The following BRI3BP variants were observed in gnomAD, a reference collection of about 807,000 sequenced individuals.
BRI3BP encodes the protein BRI3 binding protein, also known as BRI3-binding protein.
In BRI3BP, 7 loss-of-function variants were observed where a neutral mutation model predicts 15.8. That is an observed-to-expected ratio of 0.44 (90% CI 0.25 to 0.83). BRI3BP has a LOEUF of 0.83. Among genes scored for constraint, BRI3BP ranks in the 40% least tolerant of loss-of-function variants. The pLI, the probability that BRI3BP is intolerant of heterozygous loss-of-function variation, is 0.20. For missense variants in BRI3BP, 320 were observed against 339.3 expected (o/e 0.94, Z 0.45); for synonymous variants, 192 against 163.5 (o/e 1.17, Z -1.33).
intron 2 of BRI3BP, among the ~76,000 whole-genome samples, chr12:125,022,552 C>A (rs1354789749): frequency 7.4e-5 from 4 of 53,968 alleles, no homozygotes; most frequent in African/African-American, 6.1e-4. Context: ...TTTTTTGAGA[C>A]AGAGCCTCAC....
chr12:125,029,753 G>A lies in BRI3BP; in HGVS notation c.*4323G>A, dbSNP rs777238393. 12 of 152,052 alleles carry A rather than the reference G, an allele frequency of 7.9e-5. No individual in the cohort carries two copies. The highest frequency in any genetic ancestry group is 2.4e-4 in the African/African-American group (10 of 41,370). 9.4% of individuals were successfully genotyped at this position (152,052 alleles called of 1,614,324 possible). On this transcript the variant is annotated 3_prime_UTR_variant, in exon 3 of 3. Coordinates refer to ENST00000341446, the MANE Select transcript of BRI3BP (RefSeq NM_080626.6). ...AATTCACAAAGGGTAAGTGAATGCC[G>A]TTGAAAGGTGTTTCATACACTTACC...
At chr12:125,008,140 CTG>C (rs1302720607) in intron 1 of BRI3BP, among the ~76,000 whole-genome samples, 1 of 151,930 alleles carries the variant, frequency 6.6e-6, no homozygotes, top group Non-Finnish European at 1.5e-5. Flanking sequence ...CCACCACACT[CTG>C]AGAACCACTG....
intron 1 of BRI3BP, among the ~76,000 whole-genome samples, chr12:125,010,878 G>C (rs1356865308): frequency 1.3e-5 from 2 of 151,896 alleles, no homozygotes; most frequent in African/African-American, 4.8e-5. Flanking sequence ...CAGATCACCT[G>C]AGGTCAGGAG....
At chr12:125,015,500 T>C (rs1364091728) in intron 2 of BRI3BP, among the ~76,000 whole-genome samples, 2 of 151,856 alleles carry the variant, frequency 1.3e-5, no homozygotes, top group Non-Finnish European at 1.5e-5. Flanking sequence ...GAACCGCAAG[T>C]GGATGAATTT....
intron 1 of BRI3BP, among the ~76,000 whole-genome samples, chr12:125,001,124 G>A (rs562726535): frequency 3.3e-5 from 5 of 151,586 alleles, no homozygotes; most frequent in South Asian, 4.2e-4. Flanking sequence ...GCGCGATCTC[G>A]GCCCACTGCA....
At chr12:125,049,772 G>T in the BRI3BP span, among the ~76,000 whole-genome samples, 17 of 152,318 alleles carry the variant, frequency 1.1e-4, no homozygotes, top group South Asian at 8.3e-4. Flanking sequence ...GGCCGATGTG[G>T]CCCAACTCTC....
At chr12:125,033,827 C>T (rs1435249690), downstream of BRI3BP, among the ~76,000 whole-genome samples, 1 of 151,746 alleles carries the variant, frequency 6.6e-6, no homozygotes, top group Non-Finnish European at 1.5e-5. Flanking sequence ...ACTGCAACCT[C>T]CATCTCCACG....
At chr12:125,039,476 AG>A in the BRI3BP span, among the ~76,000 whole-genome samples, 1 of 152,176 alleles carries the variant, frequency 6.6e-6, no homozygotes, top group Non-Finnish European at 1.5e-5. Flanking sequence ...CGTACCAGGC[AG>A]GGTTAAACTA....
the BRI3BP span, among the ~76,000 whole-genome samples, chr12:125,041,899 G>A: frequency 3.3e-5 from 5 of 152,104 alleles, no homozygotes; most frequent in Non-Finnish European, 7.4e-5. Flanking sequence ...TCACTATGTC[G>A]CCTAGGCTGG....
chr12:124,995,122 A>G (rs748964874), intron 1 of BRI3BP, among the ~76,000 whole-genome samples: 91 of 152,334 alleles, frequency 6.0e-4, no homozygotes, highest in Non-Finnish European at 8.7e-4. Flanking sequence ...ACTGGATAAC[A>G]TGAAAGGTTA....
Position 125,022,541 on chromosome 12 carries a change from A to ATTTTTTTTTTTTTTTT in BRI3BP, c.317-2444_317-2443insTTTTTTTTTTTTTTTT, listed in dbSNP as rs770844998. ...TTATTATTTATTTATTTATTTATTT[A>ATTTTTTTTTTTTTTTT]TTTTTTGAGACAGAGCCTCACTGTG... is the stretch of plus-strand genomic sequence containing the variant. On this transcript the variant is annotated intron_variant, in intron 2 of 2. Transcript: ENST00000341446. Among the ~76,000 whole-genome samples, 184 of 139,418 alleles carry ATTTTTTTTTTTTTTTT rather than the reference A, an allele frequency of 1.3e-3. 2 individuals carry two copies. Among genetic ancestry groups the ATTTTTTTTTTTTTTTT allele is most frequent in the African/African-American group, 3.6e-3 (123 of 34,520 alleles). The allele number at this position is 139,418 out of a possible 152,430, so 91.5% of individuals were successfully genotyped here. A position where few individuals can be genotyped will look rare whatever the true frequency, so the allele number is the denominator to read the frequency against.
Position 125,025,042 on chromosome 12 carries a change from C to A in BRI3BP, c.368C>A (p.Ala123Asp), listed in dbSNP as rs756131502. The A allele has an allele frequency of 6.2e-7, 1 of 1,613,422 alleles. No individual in the cohort carries two copies. The highest frequency in any genetic ancestry group is 1.1e-5 in the South Asian group (1 of 91,080). ...FSPASVSSSP[A>D]RALLLVGVVL... ...CCAGCCTCGGTGTCCAGCAGCCCGG[C>A]CCGCGCGCTCCTGCTGGTCGGCGTC... Residue 123 changes from alanine to aspartate, a missense_variant, in exon 3 of 3, where the codon GCC becomes GAC. Physicochemically the swap from Ala to Asp is moderately radical, Grantham distance 126. Transcript: ENST00000341446.
At chr12:125,034,117 G>A (rs1955425946), downstream of BRI3BP, among the ~76,000 whole-genome samples, 1 of 151,152 alleles carries the variant, frequency 6.6e-6, no homozygotes, top group Admixed American at 6.6e-5. Context: ...CACAATCTCA[G>A]CTCACCGCAA....
intron 1 of BRI3BP, among the ~76,000 whole-genome samples, chr12:125,002,614 G>A (rs995928708): frequency 7.2e-5 from 11 of 151,936 alleles, no homozygotes; most frequent in East Asian, 1.9e-4. Context: ...CCGCCACCAC[G>A]CCCAGCTAAT....
chr12:125,024,834 CAA>C (rs1456686808), intron 2 of BRI3BP, among the ~76,000 whole-genome samples, 155 bp from the exon 3 acceptor site: 85 of 152,258 alleles, frequency 5.6e-4, no homozygotes, highest in Non-Finnish European at 5.9e-5. Context: ...CCTCATGGAG[CAA>C]AGTGTGACTA....
chr12:125,042,554 G>A, the BRI3BP span, among the ~76,000 whole-genome samples: 1 of 148,804 alleles, frequency 6.7e-6, no homozygotes, highest in Non-Finnish European at 1.5e-5. Context: ...TTTTTGAAAC[G>A]GAGTCTCACT....
rs1276911811 is a variant in BRI3BP at position 125,027,004 on chromosome 12, A to G, written c.*1574A>G. 1 of 150,972 alleles carries G rather than the reference A, an allele frequency of 6.6e-6. No homozygotes were observed. The highest frequency in any genetic ancestry group is 2.0e-4 in the East Asian group (1 of 5,122). The allele number at this position is 150,972 out of a possible 1,614,324, so 9.4% of individuals were successfully genotyped here. A position where few individuals can be genotyped will look rare whatever the true frequency, so the allele number is the denominator to read the frequency against. On this transcript the variant is annotated 3_prime_UTR_variant, in exon 3 of 3. Coordinates refer to ENST00000341446, the MANE Select transcript of BRI3BP (RefSeq NM_080626.6). The stretch of plus-strand genomic sequence containing the variant: ...TGCAGCTTTGAAGCTGCTGGGGATC[A>G]CGACTGTCTCTGTGGCCCTTACCTG...
chr12:125,000,467 C>T (rs970327878), intron 1 of BRI3BP, among the ~76,000 whole-genome samples: 3 of 151,824 alleles, frequency 2.0e-5, no homozygotes, highest in Non-Finnish European at 2.9e-5. Flanking sequence ...ACGCCCACCA[C>T]CACGCCCGGC....
rs543318386 is a variant in BRI3BP at position 125,025,494 on chromosome 12, A to G, written c.*64A>G. On this transcript the variant is annotated 3_prime_UTR_variant, in exon 3 of 3. Coordinates refer to ENST00000341446, the MANE Select transcript of BRI3BP (RefSeq NM_080626.6). Reference sequence around the variant, plus strand: ...CTGTCTCAGAAAACGAAAACGGAGGAAAAAAACCCCAAACCCCAAACAATC... The same window carrying G: ...CTGTCTCAGAAAACGAAAACGGAGGGAAAAAACCCCAAACCCCAAACAATC... The G allele has an allele frequency of 1.8e-5, 25 of 1,396,092 alleles. No individual in the cohort carries two copies. Among genetic ancestry groups the G allele is most frequent in the South Asian group, 5.9e-5 (4 of 67,906 alleles). 86.5% of individuals were successfully genotyped at this position (1,396,092 alleles called of 1,614,324 possible).
Sources: allele counts gnomAD v4.1 joint callset (sites outside exome capture counted in the v4.1 genomes callset), GRCh38; gene constraint gnomAD v4.1.1; transcripts MANE v1.5; gene names NCBI Gene and HGNC (gene_info 2026-07-23, HGNC 2026-07-21).